THSD7B: variants seen among roughly 807,000 people sequenced by gnomAD.
THSD7B encodes thrombospondin type 1 domain containing 7B, also known as thrombospondin type-1 domain-containing protein 7B.
A neutral mutation model predicts 213.6 loss-of-function variants in THSD7B; 138 were observed. That is an observed-to-expected ratio of 0.65 (90% CI 0.56 to 0.74). THSD7B has a LOEUF of 0.74. Ranked by LOEUF, THSD7B falls within the 30% of genes least tolerant of loss-of-function variation. The probability of loss-of-function intolerance (pLI) is 0.00; values close to 1 mark genes in which losing one functional copy is unlikely to be tolerated. For synonymous variants in THSD7B, 742 were observed against 687.0 expected, an observed-to-expected ratio of 1.08 and a Z score of -1.25; for missense variants, 1,931 against 1,991.5, an observed-to-expected ratio of 0.97 and a Z score of 0.58.
intron 5 of THSD7B, 147 bp from the exon 6 acceptor site, chr2:137,160,066 C>G: frequency 1.1e-6 from 1 of 936,710 alleles, no homozygotes; most frequent in Non-Finnish European, 1.5e-6. Context: ...CTAAACAACA[C>G]ATATTAGAAA....
At chr2:136,890,303 C>CCTCTTCTTCTT (rs1553455794) in intron 2 of THSD7B, among the ~76,000 whole-genome samples, 2 of 5,162 alleles carry the variant, frequency 3.9e-4, no homozygotes, top group Admixed American at 1.8e-3. Context: ...ATGTCCTACT[C>CCTCTTCTTCTT]CTTCTTCTTC....
intron 12 of THSD7B, among the ~76,000 whole-genome samples, chr2:137,302,103 G>A (rs908131972): frequency 6.6e-6 from 1 of 152,042 alleles, no homozygotes; most frequent in Non-Finnish European, 1.5e-5. Flanking sequence ...GGGTTGATAG[G>A]CCCTATAAAT....
At chr2:137,060,697 T>A (rs1051895423) in intron 3 of THSD7B, among the ~76,000 whole-genome samples, 3 of 152,022 alleles carry the variant, frequency 2.0e-5, no homozygotes, top group Non-Finnish European at 4.4e-5. Flanking sequence ...TTCTATGCCT[T>A]CAATTTTTAT....
At chr2:137,566,987 A>T (rs992405139) in intron 16 of THSD7B, among the ~76,000 whole-genome samples, 5 of 152,128 alleles carry the variant, frequency 3.3e-5, no homozygotes, top group African/African-American at 1.2e-4. Context: ...CAAGGAGAGT[A>T]AAAAGCAGGA....
At chr2:137,342,315 G>A (rs1330202627) in intron 12 of THSD7B, among the ~76,000 whole-genome samples, 1 of 151,078 alleles carries the variant, frequency 6.6e-6, no homozygotes, top group African/African-American at 2.4e-5. Flanking sequence ...TTTATTGTTA[G>A]TAAACAGAAA....
intron 15 of THSD7B, among the ~76,000 whole-genome samples, chr2:137,478,696 A>AT (rs1490787611): frequency 7.2e-5 from 11 of 152,020 alleles, no homozygotes; most frequent in Non-Finnish European, 1.6e-4. Flanking sequence ...ACTTCTTCTA[A>AT]TTTTTTGAAT....
intron 1 of THSD7B, among the ~76,000 whole-genome samples, chr2:136,807,929 T>A (rs1682312849): frequency 6.6e-6 from 1 of 152,230 alleles, no homozygotes; most frequent in South Asian, 2.1e-4. Context: ...ATATGCTCTT[T>A]GTTACTGTGA....
chr2:137,578,968 G>GA (rs1330433589), intron 17 of THSD7B, among the ~76,000 whole-genome samples: 1 of 152,158 alleles, frequency 6.6e-6, no homozygotes, highest in Non-Finnish European at 1.5e-5. Context: ...GAAGTGGACA[G>GA]AAAAATATTT....
At chr2:136,918,243 TC>T (rs1171161351) in intron 2 of THSD7B, among the ~76,000 whole-genome samples, 2 of 152,202 alleles carry the variant, frequency 1.3e-5, no homozygotes, top group Admixed American at 6.5e-5. Flanking sequence ...ACTTAGGTTA[TC>T]TGACTTCTGA....
intron 15 of THSD7B, among the ~76,000 whole-genome samples, chr2:137,468,140 A>G (rs560411811): frequency 1.3e-5 from 2 of 152,312 alleles, no homozygotes; most frequent in South Asian, 2.1e-4. Context: ...AATGCTTGTA[A>G]CAATAGCAGC....
intron 12 of THSD7B, among the ~76,000 whole-genome samples, chr2:137,304,765 C>T (rs926448251): frequency 3.3e-5 from 5 of 151,926 alleles, no homozygotes; most frequent in East Asian, 1.9e-4. Flanking sequence ...TCCTTCTTTC[C>T]GTTTTTGTTT....
intron 1 of THSD7B, among the ~76,000 whole-genome samples, chr2:136,872,004 G>A (rs1277384823): frequency 6.6e-6 from 1 of 151,920 alleles, no homozygotes; most frequent in Non-Finnish European, 1.5e-5. Flanking sequence ...TTTCTCCTAT[G>A]TTCACGTTCA....
At chr2:137,283,158 C>A (rs1683074366) in intron 12 of THSD7B, among the ~76,000 whole-genome samples, 1 of 152,086 alleles carries the variant, frequency 6.6e-6, no homozygotes, top group South Asian at 2.1e-4. Context: ...ATTTTATTCT[C>A]TTTGAAGCAA....
chr2:137,352,180 G>A (rs1250175541), intron 12 of THSD7B, among the ~76,000 whole-genome samples: 1 of 151,260 alleles, frequency 6.6e-6, no homozygotes, highest in Non-Finnish European at 1.5e-5. Context: ...AGGAGGAGGA[G>A]GGAAAAAGAG....
intron 5 of THSD7B, among the ~76,000 whole-genome samples, chr2:137,153,995 C>T (rs549851906): frequency 2.5e-4 from 38 of 152,144 alleles, no homozygotes; most frequent in South Asian, 4.1e-4. Flanking sequence ...ACAGTGCCTT[C>T]ATTTGATTTG....
chr2:136,974,786 C>T (rs1246096816), intron 2 of THSD7B, among the ~76,000 whole-genome samples: 4 of 152,164 alleles, frequency 2.6e-5, no homozygotes, highest in African/African-American at 9.7e-5. Flanking sequence ...CTTTCCTCCA[C>T]AATGATTAAA....
Position 137,651,653 on chromosome 2 carries a change from T to G in THSD7B, c.3946-3848T>G, listed in dbSNP as rs1484128738. ...TAGTACCTTGAAGTACATCATTAAA[T>G]TATTTGAATTCTTTCTACTTTTTCA... On this transcript the variant is annotated intron_variant, in intron 21 of 27. Coordinates refer to ENST00000409968, the MANE Select transcript of THSD7B (RefSeq NM_001316349.2). Among the ~76,000 whole-genome samples the G allele has an allele frequency of 2.0e-5, 3 of 152,108 alleles. No homozygotes were observed. In the East Asian group the frequency reaches 5.8e-4, roughly 29 times the overall value.
intron 7 of THSD7B, among the ~76,000 whole-genome samples, chr2:137,230,825 C>T (rs1681621847): frequency 6.6e-6 from 1 of 152,122 alleles, no homozygotes; most frequent in African/African-American, 2.4e-5. Flanking sequence ...TGAAAGAAGC[C>T]AACTTTGTCT....
intron 2 of THSD7B, among the ~76,000 whole-genome samples, chr2:136,956,669 TA>T (rs1685130958): frequency 6.7e-6 from 1 of 150,284 alleles, no homozygotes; most frequent in Non-Finnish European, 1.5e-5. Context: ...AATATTACTT[TA>T]ATTTTTTTTC....
Sources: allele counts gnomAD v4.1 joint callset (sites outside exome capture counted in the v4.1 genomes callset), GRCh38; gene constraint gnomAD v4.1.1; transcripts MANE v1.5; gene names NCBI Gene and HGNC (gene_info 2026-07-23, HGNC 2026-07-21).